The following UNC13B variants were observed in gnomAD, a reference collection of about 807,000 sequenced individuals.
UNC13B encodes the protein unc-13 homolog B.
In UNC13B, 144 loss-of-function variants were observed where a neutral mutation model predicts 211.0. The ratio of observed to expected loss-of-function variants is 0.68; its 90% CI spans 0.60 to 0.78. The LOEUF is 0.78. Among genes scored for constraint, UNC13B ranks in the 30% least tolerant of loss-of-function variants. The pLI is 0.00. For missense variants in UNC13B, 1,777 were observed against 2,002.0 expected (o/e 0.89, Z 2.14); for synonymous variants, 709 against 725.8 (o/e 0.98, Z 0.37).
chr9:35,402,600 G>C (rs1259709439), intron 37 of UNC13B, among the ~76,000 whole-genome samples: 1 of 152,044 alleles, frequency 6.6e-6, no homozygotes, highest in Non-Finnish European at 1.5e-5. Context: ...TCTTAAAATA[G>C]GGTGGGGTCT....
At position 35,366,917 on chromosome 9, in the gene UNC13B, A is replaced by T. The variant is rs371227892; in HGVS notation, c.9415-30A>T. On this transcript the variant is annotated intron_variant, in intron 11 of 39. Transcript: ENST00000635942. ...CAGGCAATCTCCCATCTTTCCCAGG[A>T]TCTAACTTGTTTCCTATCTCTTTTT... 6.2e-6 allele frequency: 10 copies of T among 1,600,894 alleles called. No homozygotes were observed. In the East Asian group the frequency reaches 2.2e-4, roughly 36 times the overall value.
intron 11 of UNC13B, among the ~76,000 whole-genome samples, chr9:35,340,394 G>C (rs1831915900): frequency 6.6e-6 from 1 of 152,196 alleles, no homozygotes; most frequent in Admixed American, 6.5e-5. Flanking sequence ...GCACATGTTG[G>C]CTCTGAAATC....
intron 1 of UNC13B, among the ~76,000 whole-genome samples, chr9:35,202,836 A>G (rs1006113352): frequency 6.9e-5 from 10 of 144,584 alleles, no homozygotes; most frequent in East Asian, 6.1e-4. Flanking sequence ...TCTGTCACCC[A>G]GGGTGGAGTG....
chr9:35,207,727 T>C (rs548488883), intron 1 of UNC13B, among the ~76,000 whole-genome samples: 2 of 152,272 alleles, frequency 1.3e-5, no homozygotes, highest in African/African-American at 4.8e-5. Context: ...TATTGAATTG[T>C]ATGTGTTCTT....
intron 11 of UNC13B, among the ~76,000 whole-genome samples, chr9:35,331,394 T>G (rs1246344348): frequency 6.6e-6 from 1 of 152,074 alleles, no homozygotes; most frequent in African/African-American, 2.4e-5. Context: ...ATTACAGGAG[T>G]GCATCACCAC....
intron 37 of UNC13B, among the ~76,000 whole-genome samples, chr9:35,400,970 G>C (rs372580915): frequency 6.6e-6 from 1 of 152,248 alleles, no homozygotes; most frequent in East Asian, 1.9e-4. Context: ...CAGTCTCAGG[G>C]GTGCTGTTTA....
chr9:35,271,945 A>G (rs73499332), intron 7 of UNC13B, among the ~76,000 whole-genome samples: 3,953 of 152,316 alleles, frequency 0.026, 175 homozygotes, highest in African/African-American at 0.088. Context: ...GTATTCAAGG[A>G]AAATAACTAG....
Position 35,307,799 on chromosome 9 carries a change from A to T in UNC13B, c.8395A>T (p.Asn2799Tyr), listed in dbSNP as rs1829998969. ...CTTTTCCTCACCTCTCCCCTCTGGC[A>T]ATAGAGCAGCAGAGACTGGTTTAAT... ...SFFSSPLPSG[N>Y]RAAETGLMSS... The change falls in exon 9 of 40, where the codon AAT becomes TAT. Residue 2799 changes from asparagine to tyrosine, a missense_variant. Coordinates refer to ENST00000635942, the MANE Select transcript of UNC13B (RefSeq NM_001371189.2). 1 of 398,938 alleles carries T rather than the reference A, an allele frequency of 2.5e-6. No individual in the cohort carries two copies. Among genetic ancestry groups the T allele is most frequent in the Non-Finnish European group, 4.4e-6 (1 of 226,068 alleles). The allele number at this position is 398,938 out of a possible 1,614,324, so 24.7% of individuals were successfully genotyped here.
chr9:35,343,841 A>G lies in UNC13B; in HGVS notation c.9415-23106A>G, dbSNP rs375174380. Among the ~76,000 whole-genome samples the G allele has an allele frequency of 1.2e-4, 19 of 152,140 alleles. 1 individual carries two copies. The East Asian group carries it at 1.7e-3, about 14-fold the overall frequency. ...GTCTAATTTGAGATGCATTCTAAAC[A>G]TAAGATACATACTAGATTTCAAGAA... On this transcript the variant is annotated intron_variant, in intron 11 of 39. Coordinates refer to ENST00000635942, the MANE Select transcript of UNC13B (RefSeq NM_001371189.2).
intron 7 of UNC13B, chr9:35,291,207 T>C: frequency 9.2e-7 from 1 of 1,081,110 alleles, no homozygotes; most frequent in Non-Finnish European, 1.4e-6. Context: ...GACTTCCATT[T>C]CCCTCTCCTC....
At chr9:35,168,901 G>A (rs779825013) in intron 1 of UNC13B, among the ~76,000 whole-genome samples, 5 of 151,948 alleles carry the variant, frequency 3.3e-5, no homozygotes, top group African/African-American at 7.3e-5. Flanking sequence ...TTGAACTCCT[G>A]GGCTCAAGCA....
In UNC13B at chr9:35,399,578, G is replaced by A. The variant is rs996208942; in HGVS notation, c.12256-71G>A. On this transcript the variant is annotated intron_variant, in intron 35 of 39. Coordinates refer to ENST00000635942, the MANE Select transcript of UNC13B (RefSeq NM_001371189.2). ...AAGGAGGAGATGAATATGCACTGGGGGCTGGCAGGTGGGTGCAAGACTTTC... is the reference window on the plus strand; with the variant it reads ...AAGGAGGAGATGAATATGCACTGGGAGCTGGCAGGTGGGTGCAAGACTTTC... The A allele has an allele frequency of 6.9e-6, 11 of 1,601,066 alleles. No individual in the cohort carries two copies. In the East Asian group the frequency reaches 2.0e-4, roughly 29 times the overall value.
chr9:35,206,404 A>G (rs1257748928), intron 1 of UNC13B, among the ~76,000 whole-genome samples: 1 of 151,940 alleles, frequency 6.6e-6, no homozygotes, highest in Non-Finnish European at 1.5e-5. Context: ...TCCCCTGGTA[A>G]CCACTAATCT....
At position 35,297,547 on chromosome 9, in the gene UNC13B, CT is replaced by C. The variant is rs774525517; in HGVS notation, c.761+1637del. Among the ~76,000 whole-genome samples the C allele has an allele frequency of 2.9e-3, 297 of 100,856 alleles. 4 individuals carry two copies. The highest frequency in any genetic ancestry group is 5.2e-3 in the Middle Eastern group (1 of 192). 66.2% of individuals were successfully genotyped at this position (100,856 alleles called of 152,430 possible). ...TGCATTCAGGAAGCACATACTTTGT[CT>C]TTTTTTTTTTTTTTTTTTTGAGACG... is the stretch of plus-strand genomic sequence containing the variant. On this transcript the variant is annotated intron_variant, in intron 8 of 39. Coordinates refer to ENST00000635942, the MANE Select transcript of UNC13B (RefSeq NM_001371189.2).
intron 6 of UNC13B, among the ~76,000 whole-genome samples, chr9:35,252,082 G>A (rs1186137536): frequency 6.6e-6 from 1 of 152,018 alleles, no homozygotes; most frequent in Non-Finnish European, 1.5e-5. Flanking sequence ...TGTGTCCCCA[G>A]GTTTTATTTA....
intron 1 of UNC13B, among the ~76,000 whole-genome samples, chr9:35,203,863 C>T (rs1384634160): frequency 2.6e-5 from 4 of 152,234 alleles, no homozygotes; most frequent in Non-Finnish European, 5.9e-5. Flanking sequence ...AATCAGGCTG[C>T]AGAAATCTGC....
At chr9:35,342,352 G>A in intron 11 of UNC13B, 2 of 985,564 alleles carry the variant, frequency 2.0e-6, no homozygotes, top group Non-Finnish European at 2.4e-6. Context: ...AAGGTAAGTG[G>A]TACCGAGTGT....
At chr9:35,162,436 GCAATCACTTAA>G in intron 1 of UNC13B, 131 bp downstream of exon 1, 1 of 1,225,724 alleles carries the variant, frequency 8.2e-7, no homozygotes, top group Non-Finnish European at 1.1e-6. Flanking sequence ...TATTATTTTG[GCAATCACTTAA>G]CAATCACTTG....
intron 7 of UNC13B, among the ~76,000 whole-genome samples, chr9:35,284,394 A>G (rs1443773592): frequency 6.6e-6 from 1 of 152,248 alleles, no homozygotes; most frequent in Non-Finnish European, 1.5e-5. Flanking sequence ...AAAATGCATT[A>G]ATAGTACTTA....
Sources: gnomAD v4.1 joint callset for allele counts (sites outside exome capture counted in the v4.1 genomes callset) on GRCh38, gnomAD v4.1.1 for gene constraint, MANE v1.5 for transcripts, NCBI Gene and HGNC (gene_info 2026-07-23, HGNC 2026-07-21) for gene names.